Variants in RBFOX1 observed in about 807,000 individuals in gnomAD.
RBFOX1 encodes the protein RNA binding fox-1 homolog 1.
RBFOX1 carries 8 observed loss-of-function variants against 57.7 expected under a neutral mutation model. That is an observed-to-expected ratio of 0.14 (90% CI 0.08 to 0.25). RBFOX1 has a LOEUF of 0.25. RBFOX1 is among the 10% of genes least tolerant of loss of function. The probability of loss-of-function intolerance (pLI) is 1.00; values close to 1 mark genes in which losing one functional copy is unlikely to be tolerated. For missense variants in RBFOX1, 611 were observed against 548.5 expected (o/e 1.11, Z -1.14); for synonymous variants, 326 against 222.4 (o/e 1.47, Z -4.15).
At chr16:7,262,906 G>T (rs1485550959) in intron 4 of RBFOX1, among the ~76,000 whole-genome samples, 1 of 152,220 alleles carries the variant, frequency 6.6e-6, no homozygotes, top group African/African-American at 2.4e-5. Flanking sequence ...GCCACAGCCT[G>T]TGTGGAGAGG....
At chr16:6,678,818 C>T (rs1213031430) in intron 3 of RBFOX1, among the ~76,000 whole-genome samples, 1 of 152,028 alleles carries the variant, frequency 6.6e-6, no homozygotes, top group Admixed American at 6.6e-5. Context: ...AGGCTTGTAA[C>T]ACGGTTCATC....
chr16:7,170,047 C>G (rs530998087), intron 4 of RBFOX1, among the ~76,000 whole-genome samples: 25 of 152,230 alleles, frequency 1.6e-4, no homozygotes, highest in African/African-American at 6.0e-4. Flanking sequence ...GCACTCTAGC[C>G]TAGGTGATAG....
chr16:5,294,859 C>T (rs575746893), intron 1 of RBFOX1, among the ~76,000 whole-genome samples: 39 of 151,260 alleles, frequency 2.6e-4, no homozygotes, highest in African/African-American at 8.0e-4. Flanking sequence ...GAGAAAACCC[C>T]ATCTCTACCA....
intron 3 of RBFOX1, among the ~76,000 whole-genome samples, chr16:6,979,317 G>A (rs2087994278): frequency 6.6e-6 from 1 of 152,148 alleles, no homozygotes; most frequent in Non-Finnish European, 1.5e-5. Context: ...GGATATAATA[G>A]CATTCAGTTG....
intron 2 of RBFOX1, among the ~76,000 whole-genome samples, chr16:6,433,843 TTTC>T (rs2094162212): frequency 7.7e-6 from 1 of 130,700 alleles, no homozygotes; most frequent in Non-Finnish European, 1.5e-5. Flanking sequence ...TCTTTTCATT[TTTC>T]TTTTTTTTTT....
intron 1 of RBFOX1, among the ~76,000 whole-genome samples, chr16:6,233,643 G>A (rs900923614): frequency 6.6e-6 from 1 of 151,974 alleles, no homozygotes; most frequent in Non-Finnish European, 1.5e-5. Context: ...GGGTCTCACT[G>A]TGCCACCCAG....
chr16:7,550,975 T>C (rs1278022397), intron 5 of RBFOX1, among the ~76,000 whole-genome samples: 2 of 149,382 alleles, frequency 1.3e-5, no homozygotes, highest in Non-Finnish European at 3.0e-5. Flanking sequence ...GTACCTGTAA[T>C]CCCAGCTACT....
At chr16:7,201,535 C>T (rs1448543528) in intron 4 of RBFOX1, among the ~76,000 whole-genome samples, 2 of 151,470 alleles carry the variant, frequency 1.3e-5, no homozygotes, top group Non-Finnish European at 2.9e-5. Context: ...AATCTGGGCT[C>T]ACTGCAACCT....
At chr16:5,274,959 T>C (rs1342539690) in intron 1 of RBFOX1, among the ~76,000 whole-genome samples, 1 of 152,214 alleles carries the variant, frequency 6.6e-6, no homozygotes, top group Non-Finnish European at 1.5e-5. Flanking sequence ...TATCACCTCA[T>C]GTACTAAGAC....
intron 1 of RBFOX1, among the ~76,000 whole-genome samples, chr16:6,094,603 G>C (rs1305077770): frequency 6.6e-6 from 1 of 152,210 alleles, no homozygotes; most frequent in Non-Finnish European, 1.5e-5. Flanking sequence ...ATAGATAAGA[G>C]CTCTGGAATT....
chr16:5,944,553 G>A (rs1462457631), intron 4 of RBFOX1, among the ~76,000 whole-genome samples: 1 of 151,812 alleles, frequency 6.6e-6, no homozygotes, highest in Non-Finnish European at 1.5e-5. Context: ...TGGTCCCTTC[G>A]GAGCTGTGTG....
At chr16:5,874,693 C>G (rs2057560765) in intron 4 of RBFOX1, among the ~76,000 whole-genome samples, 1 of 152,116 alleles carries the variant, frequency 6.6e-6, no homozygotes, top group Non-Finnish European at 1.5e-5. Flanking sequence ...GCCTGTAATC[C>G]AAGCACTTGG....
At chr16:5,803,768 T>G (rs1024977370) in intron 3 of RBFOX1, among the ~76,000 whole-genome samples, 2 of 152,188 alleles carry the variant, frequency 1.3e-5, no homozygotes, top group African/African-American at 4.8e-5. Flanking sequence ...CCCTTTCTAT[T>G]ATCTCATGCT....
chr16:5,647,689 G>T (rs117386937), intron 3 of RBFOX1, among the ~76,000 whole-genome samples: 3 of 152,130 alleles, frequency 2.0e-5, no homozygotes, highest in African/African-American at 7.2e-5. Context: ...GAACTAATCC[G>T]TAGCTTAACA....
intron 4 of RBFOX1, among the ~76,000 whole-genome samples, chr16:7,248,992 T>C (rs968810149): frequency 2.0e-5 from 3 of 152,110 alleles, no homozygotes; most frequent in Admixed American, 6.6e-5. Context: ...ATAGGTTTGA[T>C]TTTGCAAGAC....
intron 3 of RBFOX1, among the ~76,000 whole-genome samples, chr16:6,729,008 C>G (rs2067899519): frequency 6.6e-6 from 1 of 152,112 alleles, no homozygotes; most frequent in South Asian, 2.1e-4. Flanking sequence ...TTAATACAGT[C>G]AACAAATCAT....
At chr16:6,386,307 C>G (rs1258935034) in intron 2 of RBFOX1, among the ~76,000 whole-genome samples, 1 of 152,204 alleles carries the variant, frequency 6.6e-6, no homozygotes, top group Non-Finnish European at 1.5e-5. Flanking sequence ...GACATTTTGG[C>G]TGGGAACACC....
chr16:6,146,411 T>G (rs1252113746), intron 1 of RBFOX1, among the ~76,000 whole-genome samples: 1 of 152,126 alleles, frequency 6.6e-6, no homozygotes, highest in Non-Finnish European at 1.5e-5. Flanking sequence ...CTATTGACAT[T>G]TGGGGCTAGA....
At position 7,232,632 on chromosome 16, in the gene RBFOX1, G is replaced by A. The variant is rs561782454; in HGVS notation, c.27+180534G>A. 3.3e-5 allele frequency among the ~76,000 whole-genome samples: 5 copies of A among 152,070 alleles called. No individual in the cohort carries two copies. The East Asian group carries it at 9.7e-4, about 30-fold the overall frequency. On this transcript the variant is annotated intron_variant, in intron 4 of 15. Transcript: ENST00000550418. ...CGAAGCGGGTGGATCACCTGAGGTT[G>A]GGAGTTCGAGAACAGCCTGACCAAC...
Sources: allele counts gnomAD v4.1 joint callset (sites outside exome capture counted in the v4.1 genomes callset), GRCh38; gene constraint gnomAD v4.1.1; transcripts MANE v1.5; gene names NCBI Gene and HGNC (gene_info 2026-07-23, HGNC 2026-07-21).